Variants in ZC3H11A observed in about 807,000 individuals in gnomAD.
ZC3H11A encodes the protein zinc finger CCCH domain-containing protein 11A.
In ZC3H11A, 22 loss-of-function variants were observed where a neutral mutation model predicts 90.8. The observed-to-expected ratio is 0.24, with a 90% confidence interval of 0.17 to 0.35. The LOEUF is 0.35. Among genes scored for constraint, ZC3H11A ranks in the 10% least tolerant of loss-of-function variants. The pLI is 1.00. For missense variants in ZC3H11A, 701 were observed against 964.9 expected (o/e 0.73, Z 3.62); for synonymous variants, 294 against 339.8 (o/e 0.87, Z 1.48).
chr1:203,829,665 T>C lies in ZC3H11A; in HGVS notation c.502+11T>C. On this transcript the variant is annotated intron_variant, in intron 6 of 17. Transcript: ENST00000367210. ...ATGAAGATGATGATGGTAAGTTCTG[T>C]CTGGCTCCTTCTTTAAGGCAAATAA... The C allele has an allele frequency of 6.2e-7, 1 of 1,614,232 alleles. No homozygotes were observed. The highest frequency in any genetic ancestry group is 1.1e-5 in the South Asian group (1 of 91,084).
chr1:203,840,492 CTGTT>C, intron 12 of ZC3H11A, 118 bp downstream of exon 12: 2 of 1,020,224 alleles, frequency 2.0e-6, no homozygotes, highest in Admixed American at 2.9e-5. Context: ...TTTTGTAGTT[CTGTT>C]TGTTTTTTAA....
chr1:203,833,182 A>G (rs565981297), intron 9 of ZC3H11A, among the ~76,000 whole-genome samples: 1 of 152,254 alleles, frequency 6.6e-6, no homozygotes, highest in South Asian at 2.1e-4. Context: ...AGCCCGACCA[A>G]CGCGGTGAAA....
At position 203,854,021 on chromosome 1, in the gene ZC3H11A, C is replaced by CT. The variant is rs1689729841; in HGVS notation, c.*1624dup. 1 of 152,576 alleles carries CT rather than the reference C, an allele frequency of 6.6e-6. No individual in the cohort carries two copies. Among genetic ancestry groups the CT allele is most frequent in the African/African-American group, 2.4e-5 (1 of 41,420 alleles). 9.5% of individuals were successfully genotyped at this position (152,576 alleles called of 1,614,324 possible). On this transcript the variant is annotated 3_prime_UTR_variant, in exon 18 of 18. Transcript: ENST00000367210. Reference sequence around the variant, plus strand: ...ATAATTTTGTTTCATATTTAAAGCACTTGTATTAGTCAATGTTTCGTGTTC... The same window carrying CT: ...ATAATTTTGTTTCATATTTAAAGCACTTTGTATTAGTCAATGTTTCGTGTTC...
intron 13 of ZC3H11A, 32 bp from the exon 14 acceptor site, chr1:203,848,299 A>G (rs777071589): frequency 6.4e-7 from 1 of 1,565,606 alleles, no homozygotes; most frequent in Admixed American, 1.9e-5. Context: ...GCTTAAATAA[A>G]ATAACTAATG....
intron 2 of ZC3H11A, among the ~76,000 whole-genome samples, chr1:203,806,489 G>T (rs996253501): frequency 1.4e-4 from 21 of 152,092 alleles, no homozygotes; most frequent in Non-Finnish European, 2.5e-4. Flanking sequence ...TTTTAATAGA[G>T]ATTAGGTTTC....
rs985396691 is a variant in ZC3H11A at position 203,803,062 on chromosome 1, C to G, written c.-146+46C>G. 6 of 152,594 alleles carry G rather than the reference C, an allele frequency of 3.9e-5. No individual in the cohort carries two copies. The East Asian group carries it at 1.2e-3, about 29-fold the overall frequency. 9.5% of individuals were successfully genotyped at this position (152,594 alleles called of 1,614,324 possible). A position where few individuals can be genotyped will look rare whatever the true frequency, so the allele number is the denominator to read the frequency against. ...TTTTCGCATGAAAGGAGTGAACATT[C>G]TTGTCATTTAAGGCATAATTTTCAT... On this transcript the variant is annotated intron_variant, in intron 2 of 17. Coordinates refer to ENST00000367210, the MANE Select transcript of ZC3H11A (RefSeq NM_001376342.1).
At chr1:203,803,258 C>G (rs1171797671) in intron 2 of ZC3H11A, among the ~76,000 whole-genome samples, 1 of 152,108 alleles carries the variant, frequency 6.6e-6, no homozygotes, top group African/African-American at 2.4e-5. Flanking sequence ...ATGGTGCCAT[C>G]TTGGCTCACT....
intron 2 of ZC3H11A, among the ~76,000 whole-genome samples, chr1:203,803,866 C>G (rs1031353372): frequency 2.0e-5 from 3 of 152,100 alleles, no homozygotes; most frequent in Admixed American, 1.3e-4. Flanking sequence ...CTTGGCCAAC[C>G]AGTGTTGGGA....
intron 12 of ZC3H11A, among the ~76,000 whole-genome samples, chr1:203,843,850 G>A (rs993647230): frequency 6.7e-6 from 1 of 150,284 alleles, no homozygotes; most frequent in Non-Finnish European, 1.5e-5. Context: ...CTTTATTCTC[G>A]GCCTGGGATT....
intron 14 of ZC3H11A, 46 bp from the exon 15 acceptor site, chr1:203,849,664 TA>T: frequency 6.4e-7 from 1 of 1,572,188 alleles, no homozygotes; most frequent in South Asian, 1.1e-5. Context: ...TCATACAGGT[TA>T]TTAGAGGTAC....
intron 2 of ZC3H11A, among the ~76,000 whole-genome samples, chr1:203,803,551 A>G (rs1671176270): frequency 6.6e-6 from 1 of 152,212 alleles, no homozygotes; most frequent in Non-Finnish European, 1.5e-5. Flanking sequence ...TAAAAACAGC[A>G]TAGCCAAAGT....
chr1:203,810,453 T>C (rs1445909722), intron 2 of ZC3H11A, among the ~76,000 whole-genome samples: 7 of 147,708 alleles, frequency 4.7e-5, no homozygotes, highest in Admixed American at 4.7e-4. Context: ...AGAGTCTCAC[T>C]CTGTCGCCCA....
At chr1:203,830,527 G>A (rs1265971081) in intron 8 of ZC3H11A, among the ~76,000 whole-genome samples, 2 of 152,146 alleles carry the variant, frequency 1.3e-5, no homozygotes, top group Admixed American at 6.5e-5. Flanking sequence ...ATTAAGAGAG[G>A]AAAGGCTGGG....
Position 203,806,046 on chromosome 1 carries a change from A to G in ZC3H11A, c.-146+3030A>G, listed in dbSNP as rs140182696. 7.4e-4 allele frequency: 389 copies of G among 529,238 alleles called. 1 individual carries two copies. The highest frequency in any genetic ancestry group is 7.0e-3 in the African/African-American group (362 of 52,040). 32.8% of individuals were successfully genotyped at this position (529,238 alleles called of 1,614,324 possible). The stretch of plus-strand genomic sequence containing the variant: ...GGGTGCGATTGTCCTGCTGCTGCTC[A>G]TACATCCGCTTTTGTTTTAAAACTC... On this transcript the variant is annotated intron_variant, in intron 2 of 17. Coordinates refer to ENST00000367210, the MANE Select transcript of ZC3H11A (RefSeq NM_001376342.1).
rs1482096011 is a variant in ZC3H11A at position 203,852,944 on chromosome 1, T to C, written c.*545T>C. ...TAAGCTTTAAAGAGGGCTGAGCAGCTCAGGAAGCCTGTAATGTGGGCATAA... is the reference window on the plus strand; with the variant it reads ...TAAGCTTTAAAGAGGGCTGAGCAGCCCAGGAAGCCTGTAATGTGGGCATAA... On this transcript the variant is annotated 3_prime_UTR_variant, in exon 18 of 18. Transcript: ENST00000367210. 1 of 158,592 alleles carries C rather than the reference T, an allele frequency of 6.3e-6. No homozygotes were observed. Among genetic ancestry groups the C allele is most frequent in the Non-Finnish European group, 1.4e-5 (1 of 71,592 alleles). The allele number at this position is 158,592 out of a possible 1,614,324, so 9.8% of individuals were successfully genotyped here. A position where few individuals can be genotyped will look rare whatever the true frequency, so the allele number is the denominator to read the frequency against.
At chr1:203,805,588 AT>A in intron 2 of ZC3H11A, 1 of 625,332 alleles carries the variant, frequency 1.6e-6, no homozygotes, top group Non-Finnish European at 3.1e-6. Context: ...GTCCCATAAT[AT>A]GTTTTACATG....
intron 4 of ZC3H11A, among the ~76,000 whole-genome samples, chr1:203,823,180 C>T (rs1289900470): frequency 1.3e-5 from 2 of 152,148 alleles, no homozygotes; most frequent in Non-Finnish European, 2.9e-5. Flanking sequence ...TTTAGAGATT[C>T]TCTAGGATGT....
At position 203,839,008 on chromosome 1, in the gene ZC3H11A, G is replaced by A. The variant is rs544323000; in HGVS notation, c.973+944G>A. ...AGAAAGGTTATAAACAAGGATCACA[G>A]GCTCAAATGTGCATTTTAAAACCAT... On this transcript the variant is annotated intron_variant, in intron 11 of 17. Transcript: ENST00000367210. Among the ~76,000 whole-genome samples the A allele has an allele frequency of 3.4e-4, 52 of 150,752 alleles. 1 individual carries two copies. The highest frequency in any genetic ancestry group is 1.2e-3 in the African/African-American group (49 of 41,016).
chr1:203,810,801 A>T (rs1265160169), intron 2 of ZC3H11A, among the ~76,000 whole-genome samples: 1 of 151,750 alleles, frequency 6.6e-6, no homozygotes, highest in Non-Finnish European at 1.5e-5. Context: ...ATTTCTCCAC[A>T]CTCTGCCCAA....
Sources: allele counts gnomAD v4.1 joint callset (sites outside exome capture counted in the v4.1 genomes callset), GRCh38; gene constraint gnomAD v4.1.1; transcripts MANE v1.5; gene names NCBI Gene and HGNC (gene_info 2026-07-23, HGNC 2026-07-21).